The following PDE1C variants were observed in gnomAD, a reference collection of about 807,000 sequenced individuals.
The protein encoded by PDE1C is phosphodiesterase 1C.
PDE1C carries 62 observed loss-of-function variants against 93.1 expected under a neutral mutation model. That is an observed-to-expected ratio of 0.67 (90% CI 0.54 to 0.82). The LOEUF (loss-of-function observed/expected upper bound fraction) is 0.82. Among genes scored for constraint, PDE1C ranks in the 40% least tolerant of loss-of-function variants. PDE1C has a pLI of 0.00. For missense variants in PDE1C, 742 were observed against 884.6 expected (o/e 0.84, Z 2.04); for synonymous variants, 325 against 310.1 (o/e 1.05, Z -0.50).
At chr7:32,300,917 G>T (rs190807772), upstream of PDE1C, among the ~76,000 whole-genome samples, 2 of 151,760 alleles carry the variant, frequency 1.3e-5, no homozygotes, top group Admixed American at 1.3e-4. Context: ...GGCTCACTGT[G>T]GCATCGACCT....
chr7:32,265,686 C>A (rs573619117), intron 1 of PDE1C, among the ~76,000 whole-genome samples: 4 of 152,262 alleles, frequency 2.6e-5, no homozygotes, highest in African/African-American at 9.6e-5. Context: ...TGAGTTTAGC[C>A]CTTGTTACTT....
the PDE1C span, among the ~76,000 whole-genome samples, chr7:31,676,532 G>A: frequency 1.3e-5 from 2 of 152,200 alleles, no homozygotes; most frequent in East Asian, 1.9e-4. Flanking sequence ...CATATCAGAT[G>A]TATAGTTGAA....
intron 2 of PDE1C, among the ~76,000 whole-genome samples, chr7:31,980,275 G>C (rs1812203915): frequency 6.6e-6 from 1 of 152,180 alleles, no homozygotes; most frequent in Non-Finnish European, 1.5e-5. Context: ...AATAATTCAG[G>C]AAGTAATTAT....
rs528819954 is a variant in PDE1C at position 31,783,302 on chromosome 7, C to CA, written c.1892-7571dup. Among the ~76,000 whole-genome samples, 30 of 152,110 alleles carry CA rather than the reference C, an allele frequency of 2.0e-4. 1 individual carries two copies. Among genetic ancestry groups the CA allele is most frequent in the African/African-American group, 7.2e-4 (30 of 41,486 alleles). On this transcript the variant is annotated intron_variant, in intron 16 of 17. Coordinates refer to ENST00000396191, the MANE Select transcript of PDE1C (RefSeq NM_001191057.4). Reference sequence around the variant, plus strand: ...ACCCATTTACTTCATCCCTCACAGTCAAAAAAGGTGAAATGAAACGTGATA... The same window carrying CA: ...ACCCATTTACTTCATCCCTCACAGTCAAAAAAAGGTGAAATGAAACGTGATA...
intron 2 of PDE1C, among the ~76,000 whole-genome samples, chr7:31,902,471 C>G (rs1173329344): frequency 6.6e-6 from 1 of 151,716 alleles, no homozygotes; most frequent in East Asian, 1.9e-4. Flanking sequence ...GCTGATGGGT[C>G]TATAAATTAG....
chr7:32,234,601 T>C (rs1306638829), intron 1 of PDE1C, among the ~76,000 whole-genome samples: 1 of 152,010 alleles, frequency 6.6e-6, no homozygotes, highest in Non-Finnish European at 1.5e-5. Context: ...TCTAGAACTA[T>C]TAAAGTAGTT....
chr7:32,251,555 C>A (rs912355309), intron 1 of PDE1C, among the ~76,000 whole-genome samples: 1 of 152,146 alleles, frequency 6.6e-6, no homozygotes, highest in African/African-American at 2.4e-5. Flanking sequence ...CACCATGCAT[C>A]TTCTCTGGAT....
intron 1 of PDE1C, among the ~76,000 whole-genome samples, chr7:32,282,073 G>C (rs929866840): frequency 2.5e-5 from 3 of 118,930 alleles, no homozygotes; most frequent in East Asian, 2.7e-4. Context: ...TGAGTTAATG[G>C]GTGCAGCAAA....
chr7:31,799,776 C>T (rs1007391811), intron 16 of PDE1C, among the ~76,000 whole-genome samples: 1 of 151,632 alleles, frequency 6.6e-6, no homozygotes, highest in Non-Finnish European at 1.5e-5. Context: ...TACCCTGCCT[C>T]CTCCATTTTT....
intron 2 of PDE1C, among the ~76,000 whole-genome samples, chr7:31,887,791 A>G (rs142493376): frequency 8.5e-5 from 13 of 152,074 alleles, no homozygotes; most frequent in African/African-American, 2.9e-4. Context: ...TATTGATTAG[A>G]ACCCAAAACA....
At chr7:31,837,118 G>C in intron 11 of PDE1C, 62 bp downstream of exon 11, 2 of 1,536,420 alleles carry the variant, frequency 1.3e-6, no homozygotes, top group Non-Finnish European at 1.8e-6. Context: ...GCATTGCTGA[G>C]ATATAAAATT....
chr7:31,689,029 T>C, the PDE1C span, among the ~76,000 whole-genome samples: 1 of 152,250 alleles, frequency 6.6e-6, no homozygotes, highest in African/African-American at 2.4e-5. Context: ...TTCATAGTTT[T>C]GCTGCAGAAA....
At chr7:31,825,162 A>G (rs774704000) in intron 12 of PDE1C, among the ~76,000 whole-genome samples, 175 bp from the exon 13 acceptor site, 1 of 152,176 alleles carries the variant, frequency 6.6e-6, no homozygotes, top group Non-Finnish European at 1.5e-5. Context: ...TTTCTCCTAC[A>G]TAACTTCCTA....
chr7:31,714,102 C>T, the PDE1C span, among the ~76,000 whole-genome samples: 1 of 152,186 alleles, frequency 6.6e-6, no homozygotes, highest in Non-Finnish European at 1.5e-5. Flanking sequence ...ATTTTCCAAA[C>T]TTTTATGCAT....
intron 2 of PDE1C, among the ~76,000 whole-genome samples, chr7:31,953,294 G>C (rs73094586): frequency 1.8e-3 from 275 of 152,226 alleles, no homozygotes; most frequent in Non-Finnish European, 2.5e-3. Flanking sequence ...TGGCTTAATG[G>C]ACTCCACCAT....
the PDE1C span, chr7:31,652,623 C>A: frequency 6.2e-7 from 1 of 1,613,628 alleles, no homozygotes; most frequent in South Asian, 1.1e-5. Flanking sequence ...TAAAATCCAC[C>A]CAGGCATGGC....
chr7:31,888,773 A>G (rs1167153995), intron 2 of PDE1C, among the ~76,000 whole-genome samples: 1 of 152,130 alleles, frequency 6.6e-6, no homozygotes, highest in Non-Finnish European at 1.5e-5. Context: ...TTCAACAAAG[A>G]AAGAAGAAAT....
chr7:31,695,603 A>G, the PDE1C span: 6 of 1,613,310 alleles, frequency 3.7e-6, no homozygotes, highest in Non-Finnish European at 5.1e-6. Context: ...GGCGCTGCAC[A>G]TCCCACCTTT....
intron 1 of PDE1C, among the ~76,000 whole-genome samples, chr7:32,236,137 A>C (rs192402241): frequency 3.3e-5 from 5 of 152,278 alleles, no homozygotes; most frequent in African/African-American, 1.2e-4. Context: ...TAAACAAATC[A>C]ATTCAAAATA....
Sources: gnomAD v4.1 joint callset for allele counts (sites outside exome capture counted in the v4.1 genomes callset) on GRCh38, gnomAD v4.1.1 for gene constraint, MANE v1.5 for transcripts, NCBI Gene and HGNC (gene_info 2026-07-23, HGNC 2026-07-21) for gene names.